Variants in PLAG1 observed in about 807,000 individuals in gnomAD.
The protein encoded by PLAG1 is zinc finger protein PLAG1.
PLAG1 carries 7 observed loss-of-function variants against 35.5 expected under a neutral mutation model. The observed-to-expected ratio is 0.20, with a 90% confidence interval of 0.11 to 0.37. The LOEUF (loss-of-function observed/expected upper bound fraction) is 0.37, where lower values mean the gene tolerates loss of function less well. Ranked by LOEUF, PLAG1 falls within the 10% of genes least tolerant of loss-of-function variation. The probability of loss-of-function intolerance (pLI) is 1.00; values close to 1 mark genes in which losing one functional copy is unlikely to be tolerated. For synonymous variants in PLAG1, 229 were observed against 225.4 expected, an observed-to-expected ratio of 1.02 and a Z score of -0.14; for missense variants, 454 against 602.8, an observed-to-expected ratio of 0.75 and a Z score of 2.58.
chr8:56,196,987 T>TGTGTGTGTGTGTGCGC (rs1227336889), intron 1 of PLAG1, among the ~76,000 whole-genome samples: 1 of 149,430 alleles, frequency 6.7e-6, no homozygotes, highest in African/African-American at 2.5e-5. Context: ...TGTGTGTGTG[T>TGTGTGTGTGTGTGCGC]GCTCCTCTCT....
chr8:56,192,880 G>GGACA (rs1180452720), intron 1 of PLAG1, among the ~76,000 whole-genome samples: 2 of 152,012 alleles, frequency 1.3e-5, no homozygotes, highest in Non-Finnish European at 2.9e-5. Flanking sequence ...AAACACTACA[G>GGACA]GACAGACAGA....
intron 2 of PLAG1, among the ~76,000 whole-genome samples, chr8:56,175,482 A>G (rs1425776122): frequency 6.6e-6 from 1 of 152,188 alleles, no homozygotes; most frequent in African/African-American, 2.4e-5. Flanking sequence ...CCAAAAATGC[A>G]TTTTATAACT....
chr8:56,210,829 T>G (rs1812876240), intron 1 of PLAG1, among the ~76,000 whole-genome samples: 2 of 142,972 alleles, frequency 1.4e-5, no homozygotes, highest in East Asian at 4.0e-4. Context: ...TGAATAAAGG[T>G]TTTTTTTTTT....
intron 1 of PLAG1, chr8:56,209,562 A>G (rs1430797972): frequency 3.3e-5 from 5 of 152,308 alleles, no homozygotes; most frequent in Admixed American, 1.3e-4. Context: ...TCCCACGTGG[A>G]ACCAACATCA....
rs1415191044 is a variant in PLAG1 at position 56,162,478 on chromosome 8, AT to A, written c.*3764del. 2 of 217,678 alleles carry A rather than the reference AT, an allele frequency of 9.2e-6. No homozygotes were observed. Among genetic ancestry groups the A allele is most frequent in the East Asian group, 1.4e-4 (2 of 14,552 alleles). The allele number at this position is 217,678 out of a possible 1,614,324, so 13.5% of individuals were successfully genotyped here. ...GTACCTGTTTAAAATACCATCTACC[AT>A]TTTTGTACACAAAGCATTATATATC... On this transcript the variant is annotated 3_prime_UTR_variant, in exon 5 of 5. Transcript: ENST00000316981.
chr8:56,204,324 A>T (rs1305463950), intron 1 of PLAG1, among the ~76,000 whole-genome samples: 1 of 151,952 alleles, frequency 6.6e-6, no homozygotes, highest in Non-Finnish European at 1.5e-5. Context: ...ACAAGAAAAA[A>T]TCAAGTTACC....
intron 1 of PLAG1, among the ~76,000 whole-genome samples, chr8:56,200,575 T>A (rs567173507): frequency 1.3e-3 from 194 of 152,342 alleles, no homozygotes; most frequent in African/African-American, 4.3e-3. Context: ...CAGCACATAG[T>A]GCACATTCCT....
intron 1 of PLAG1, among the ~76,000 whole-genome samples, chr8:56,192,973 CA>C (rs1157490083): frequency 6.6e-6 from 1 of 151,884 alleles, no homozygotes; most frequent in Non-Finnish European, 1.5e-5. Flanking sequence ...AACTGTGGGT[CA>C]AAAAAGACTT....
chr8:56,194,629 T>TGTGTTTGTGTGTGTGTGGC (rs1812302266), intron 1 of PLAG1, among the ~76,000 whole-genome samples: 1 of 151,816 alleles, frequency 6.6e-6, no homozygotes, highest in Admixed American at 6.6e-5. Context: ...GTGGCGTGTG[T>TGTGTTTGTGTGTGTGTGGC]GTGTTTGTGT....
At chr8:56,204,809 C>T (rs1812652804) in intron 1 of PLAG1, among the ~76,000 whole-genome samples, 1 of 151,664 alleles carries the variant, frequency 6.6e-6, no homozygotes, top group Non-Finnish European at 1.5e-5. Context: ...CTCTCATTCT[C>T]AAAAAAGAAG....
At chr8:56,201,099 G>C (rs1036715643) in intron 1 of PLAG1, among the ~76,000 whole-genome samples, 3 of 152,118 alleles carry the variant, frequency 2.0e-5, no homozygotes, top group Admixed American at 1.3e-4. Context: ...TAACAAAATG[G>C]AGATGTGAAA....
chr8:56,173,603 T>A (rs79196716), intron 2 of PLAG1, among the ~76,000 whole-genome samples: 1 of 149,998 alleles, frequency 6.7e-6, no homozygotes, highest in East Asian at 1.9e-4. Flanking sequence ...AAAAAAAAAC[T>A]CACAAAGATT....
intron 1 of PLAG1, among the ~76,000 whole-genome samples, chr8:56,210,564 C>A (rs929096505): frequency 6.6e-6 from 1 of 152,178 alleles, no homozygotes; most frequent in African/African-American, 2.4e-5. Context: ...CCAAGTCACT[C>A]AAAGTGCCCC....
intron 1 of PLAG1, among the ~76,000 whole-genome samples, chr8:56,198,467 G>A (rs1347638741): frequency 6.6e-6 from 1 of 152,230 alleles, no homozygotes; most frequent in African/African-American, 2.4e-5. Context: ...GGATGAGGCT[G>A]GAAGTGACAG....
At chr8:56,210,733 T>C (rs989584717) in intron 1 of PLAG1, among the ~76,000 whole-genome samples, 1 of 151,942 alleles carries the variant, frequency 6.6e-6, no homozygotes, top group Non-Finnish European at 1.5e-5. Context: ...CTCTCGCTGC[T>C]GCCGCTGCCG....
chr8:56,170,679 G>C (rs926271914), intron 3 of PLAG1, among the ~76,000 whole-genome samples: 1 of 151,832 alleles, frequency 6.6e-6, no homozygotes, highest in African/African-American at 2.4e-5. Flanking sequence ...AACCATAATG[G>C]GCAAAGAATT....
intron 1 of PLAG1, among the ~76,000 whole-genome samples, chr8:56,203,285 TA>T (rs1812609325): frequency 6.6e-6 from 1 of 152,154 alleles, no homozygotes; most frequent in Non-Finnish European, 1.5e-5. Flanking sequence ...ATTTCAGCAG[TA>T]AATCAAGTTA....
At chr8:56,199,846 G>A (rs891658304) in intron 1 of PLAG1, among the ~76,000 whole-genome samples, 1 of 152,144 alleles carries the variant, frequency 6.6e-6, no homozygotes, top group Non-Finnish European at 1.5e-5. Context: ...CTGGTGAGAG[G>A]GTTATAGGAG....
chr8:56,178,127 G>T, intron 2 of PLAG1: 2 of 353,932 alleles, frequency 5.7e-6, no homozygotes, highest in Non-Finnish European at 7.9e-6. Context: ...AAGTTCTATG[G>T]GAAGGAAAAA....
Sources: gnomAD v4.1 joint callset for allele counts (sites outside exome capture counted in the v4.1 genomes callset) on GRCh38, gnomAD v4.1.1 for gene constraint, MANE v1.5 for transcripts, NCBI Gene and HGNC (gene_info 2026-07-23, HGNC 2026-07-21) for gene names.